Variants in MATN2 observed in about 807,000 individuals in gnomAD.
MATN2 encodes matrilin-2.
Under a neutral mutation model 103.2 loss-of-function variants are expected in MATN2, and 69 were observed. The ratio of observed to expected loss-of-function variants is 0.67; its 90% CI spans 0.55 to 0.82. MATN2 has a LOEUF of 0.82. Among genes scored for constraint, MATN2 ranks in the 40% least tolerant of loss-of-function variants. The pLI, the probability that MATN2 is intolerant of heterozygous loss-of-function variation, is 0.00. For synonymous variants in MATN2, 429 were observed against 450.2 expected (o/e 0.95, Z 0.60); for missense variants, 1,023 against 1,211.5 (o/e 0.84, Z 2.31).
chr8:97,887,214 T>G (rs1234289901), intron 1 of MATN2, among the ~76,000 whole-genome samples: 2 of 152,060 alleles, frequency 1.3e-5, no homozygotes, highest in East Asian at 3.9e-4. Context: ...TTAAATAAAT[T>G]TAAATTTTTT....
At chr8:98,032,167 G>A in intron 15 of MATN2, 79 bp from the exon 16 acceptor site, 1 of 1,159,238 alleles carries the variant, frequency 8.6e-7, no homozygotes, top group Non-Finnish European at 1.3e-6. Flanking sequence ...TAAGGAGGTG[G>A]TCTGGGACCA....
chr8:97,930,197 C>T (rs1531039), intron 2 of MATN2, among the ~76,000 whole-genome samples: 64,423 of 152,040 alleles, frequency 0.42, 14,799 homozygotes, highest in East Asian at 0.83. Context: ...ATTGTCAGGA[C>T]GACACAGTTT....
intron 2 of MATN2, among the ~76,000 whole-genome samples, chr8:97,913,512 G>A (rs375728909): frequency 2.6e-5 from 4 of 151,646 alleles, no homozygotes; most frequent in South Asian, 2.1e-4. Flanking sequence ...ACGGGGTTTC[G>A]CCATGTTGGC....
intron 4 of MATN2, among the ~76,000 whole-genome samples, chr8:97,960,621 T>C (rs1255443327): frequency 6.6e-6 from 1 of 152,234 alleles, no homozygotes; most frequent in Admixed American, 6.5e-5. Flanking sequence ...CAATGTTTGT[T>C]ACCTCTACCT....
intron 2 of MATN2, among the ~76,000 whole-genome samples, chr8:97,890,187 C>T (rs908086537): frequency 2.6e-5 from 4 of 152,122 alleles, no homozygotes; most frequent in Admixed American, 1.3e-4. Context: ...GTGGAGTGGG[C>T]CGGACATGGT....
At chr8:97,957,199 G>T (rs182624001) in intron 4 of MATN2, among the ~76,000 whole-genome samples, 1 of 152,312 alleles carries the variant, frequency 6.6e-6, no homozygotes, top group Non-Finnish European at 1.5e-5. Context: ...ATTCATGGGG[G>T]TCACCAGGTG....
At chr8:97,969,034 C>A (rs1811571256) in intron 5 of MATN2, among the ~76,000 whole-genome samples, 1 of 152,098 alleles carries the variant, frequency 6.6e-6, no homozygotes, top group Admixed American at 6.5e-5. Flanking sequence ...CTGGTGAGGG[C>A]CTCAGAAAGT....
At chr8:97,879,302 A>T (rs1818176545) in intron 1 of MATN2, among the ~76,000 whole-genome samples, 1 of 152,202 alleles carries the variant, frequency 6.6e-6, no homozygotes, top group Non-Finnish European at 1.5e-5. Context: ...CCCCGCTATG[A>T]CAAGAGTCTG....
intron 1 of MATN2, among the ~76,000 whole-genome samples, chr8:97,887,589 T>TG (rs1161831522): frequency 3.9e-5 from 6 of 152,218 alleles, no homozygotes; most frequent in African/African-American, 1.4e-4. Flanking sequence ...ACAGGGAGGC[T>TG]GGGAGGCTGG....
intron 2 of MATN2, among the ~76,000 whole-genome samples, chr8:97,892,185 C>T (rs1203766339): frequency 2.7e-5 from 4 of 148,992 alleles, no homozygotes; most frequent in South Asian, 2.1e-4. Context: ...TGCAGTGAGC[C>T]GAGATCACAC....
rs56951352 is a variant in MATN2 at position 98,007,240 on chromosome 8, G to A, written c.1450+13G>A. On this transcript the variant is annotated intron_variant, in intron 9 of 18. Coordinates refer to ENST00000254898, the MANE Select transcript of MATN2 (RefSeq NM_002380.5). The surrounding 1 kb of genome is among the most constrained non-coding windows in gnomAD (Gnocchi z 4.2). ...AAGACCTGCTCCCGTGAGTCCCTCCGCGCTCCTCTCATAGGGGAAGGTTTG... is the reference window on the plus strand; with the variant it reads ...AAGACCTGCTCCCGTGAGTCCCTCCACGCTCCTCTCATAGGGGAAGGTTTG... 5.5e-4 allele frequency: 881 copies of A among 1,613,586 alleles called. 4 individuals are homozygous for A. In the African/African-American group the frequency reaches 0.01, roughly 19 times the overall value.
chr8:97,955,693 T>A (rs1161812800), intron 4 of MATN2, among the ~76,000 whole-genome samples: 1 of 152,138 alleles, frequency 6.6e-6, no homozygotes, highest in African/African-American at 2.4e-5. Flanking sequence ...ACACCAAGAC[T>A]TAGAGACATG....
intron 13 of MATN2, among the ~76,000 whole-genome samples, chr8:98,026,070 T>C (rs1305109604): frequency 1.3e-5 from 2 of 151,080 alleles, no homozygotes; most frequent in Admixed American, 1.3e-4. Context: ...TCCCGGCTAC[T>C]TGGGAGGTTG....
intron 1 of MATN2, among the ~76,000 whole-genome samples, chr8:97,880,544 T>C (rs960868424): frequency 6.6e-6 from 1 of 152,216 alleles, no homozygotes; most frequent in African/African-American, 2.4e-5. Context: ...AATGATGTAA[T>C]GCATGTCTCT....
In MATN2 at chr8:97,979,389, C is replaced by T. The variant is rs191738972; in HGVS notation, c.1081+381C>T. Among the ~76,000 whole-genome samples, 1,178 of 152,284 alleles carry T rather than the reference C, an allele frequency of 7.7e-3. 7 individuals carry two copies. Among genetic ancestry groups the T allele is most frequent in the Middle Eastern group, 0.014 (4 of 294 alleles). ...TGTGGGCTTTAGCTCTGACTCCACG[C>T]AAGAAAATCGCTGAGCCAAAAAGAA... On this transcript the variant is annotated intron_variant, in intron 6 of 18. Transcript: ENST00000254898.
At chr8:97,944,508 C>G (rs753006238) in intron 4 of MATN2, among the ~76,000 whole-genome samples, 4 of 152,210 alleles carry the variant, frequency 2.6e-5, no homozygotes, top group Non-Finnish European at 4.4e-5. Context: ...GGTGGAAGAA[C>G]AAGGCCTTCA....
intron 7 of MATN2, among the ~76,000 whole-genome samples, chr8:98,001,818 C>A (rs1812795301): frequency 6.6e-6 from 1 of 150,948 alleles, no homozygotes; most frequent in African/African-American, 2.5e-5. Context: ...CTTGAGGGCC[C>A]CCAGTAAGCT....
At chr8:98,006,339 T>G (rs1219569509) in intron 8 of MATN2, among the ~76,000 whole-genome samples, 1 of 152,240 alleles carries the variant, frequency 6.6e-6, no homozygotes, top group African/African-American at 2.4e-5. Context: ...CAGCACTACT[T>G]GATAATAATA....
intron 4 of MATN2, among the ~76,000 whole-genome samples, chr8:97,952,742 T>A (rs1810998224): frequency 1.3e-5 from 2 of 152,140 alleles, no homozygotes; most frequent in Non-Finnish European, 2.9e-5. Context: ...GTCAGATACA[T>A]GCTAATGGTA....
Sources: gnomAD v4.1 joint callset for allele counts (sites outside exome capture counted in the v4.1 genomes callset) on GRCh38, gnomAD v4.1.1 for gene constraint, Gnocchi (gnomAD v3.1) non-coding constraint, MANE v1.5 for transcripts, NCBI Gene and HGNC (gene_info 2026-07-23, HGNC 2026-07-21) for gene names.